SRD5A2: variants seen among roughly 807,000 people sequenced by gnomAD.
SRD5A2 encodes the protein 3-oxo-5-alpha-steroid 4-dehydrogenase 2.
SRD5A2 carries 30 observed loss-of-function variants against 27.4 expected under a neutral mutation model. That is an observed-to-expected ratio of 1.10 (90% CI 0.82 to 1.49). SRD5A2 has a LOEUF of 1.49. Among genes scored for constraint, SRD5A2 ranks in the 40% most tolerant of loss-of-function variants. The pLI, the probability that SRD5A2 is intolerant of heterozygous loss-of-function variation, is 0.00. For synonymous variants in SRD5A2, 141 were observed against 133.6 expected, an observed-to-expected ratio of 1.06 and a Z score of -0.38; for missense variants, 348 against 323.4, an observed-to-expected ratio of 1.08 and a Z score of -0.58.
At chr2:31,623,042 T>C in the SRD5A2 span, among the ~76,000 whole-genome samples, 4 of 152,072 alleles carry the variant, frequency 2.6e-5, no homozygotes, top group East Asian at 1.9e-4. Context: ...CCTTCAATGA[T>C]TGCTCTCAAT....
the SRD5A2 span, among the ~76,000 whole-genome samples, chr2:31,632,459 T>C: frequency 4.6e-5 from 7 of 152,152 alleles, no homozygotes; most frequent in Non-Finnish European, 8.8e-5. Context: ...GGGACGAAGG[T>C]CCTCTGAGTC....
At chr2:31,662,907 C>T in the SRD5A2 span, among the ~76,000 whole-genome samples, 12 of 152,082 alleles carry the variant, frequency 7.9e-5, no homozygotes, top group Admixed American at 2.0e-4. Context: ...TTGGAGTTTA[C>T]GTGTCACTCT....
At chr2:31,584,804 C>A (rs1667148664), upstream of SRD5A2, among the ~76,000 whole-genome samples, 1 of 152,224 alleles carries the variant, frequency 6.6e-6, no homozygotes, top group Non-Finnish European at 1.5e-5. Context: ...AATTTAACAA[C>A]TATCTGTGCA....
At chr2:31,556,942 C>CAT (rs1172097134) in intron 1 of SRD5A2, among the ~76,000 whole-genome samples, 1 of 152,090 alleles carries the variant, frequency 6.6e-6, no homozygotes, top group Non-Finnish European at 1.5e-5. Flanking sequence ...GTACTTTGCC[C>CAT]ATATTAACTC....
rs1665857742 is a variant in SRD5A2 at position 31,529,443 on chromosome 2, AC to A, written c.561del (p.Tyr188MetfsTer91). 4 of 1,613,228 alleles carry A rather than the reference AC, an allele frequency of 2.5e-6. No homozygotes were observed. Among genetic ancestry groups the A allele is most frequent in the Non-Finnish European group, 3.4e-6 (4 of 1,179,672 alleles). On this transcript the variant is annotated frameshift_variant, in exon 4 of 5. Transcript: ENST00000622030. LOFTEE classifies it high-confidence loss of function. ...SYRIPQGGLFTYVSGANFLGE... is the reference protein window; with the variant it reads ...SYRIPQGGLFXYVSGANFLGE... The stretch of plus-strand genomic sequence containing the variant: ...CCGAGGAAATTGGCTCCAGAAACAT[AC>A]GTAAACAAGCCACCTGCGTGCAGAA...
intron 1 of SRD5A2, among the ~76,000 whole-genome samples, chr2:31,549,785 A>G (rs1043648034): frequency 6.6e-6 from 1 of 152,212 alleles, no homozygotes; most frequent in African/African-American, 2.4e-5. Context: ...TTAAAGCTGA[A>G]GGCTTCAACA....
chr2:31,618,548 A>G, the SRD5A2 span, among the ~76,000 whole-genome samples: 1 of 152,174 alleles, frequency 6.6e-6, no homozygotes, highest in Admixed American at 6.6e-5. Flanking sequence ...ACAGGAAGAC[A>G]TTATTTTAAG....
chr2:31,623,370 C>T, the SRD5A2 span, among the ~76,000 whole-genome samples: 1 of 152,116 alleles, frequency 6.6e-6, no homozygotes, highest in Admixed American at 6.6e-5. Flanking sequence ...TGATATATAA[C>T]ATAACCACAT....
chr2:31,618,757 T>A, the SRD5A2 span, among the ~76,000 whole-genome samples: 1 of 152,114 alleles, frequency 6.6e-6, no homozygotes, highest in Admixed American at 6.6e-5. Context: ...GTTTCAGTAA[T>A]ATATTAAACT....
chr2:31,547,046 C>T (rs964894328), intron 1 of SRD5A2, among the ~76,000 whole-genome samples: 9 of 151,726 alleles, frequency 5.9e-5, no homozygotes, highest in African/African-American at 1.9e-4. Context: ...TGTGGTGAGC[C>T]GAGATGGCGC....
intron 2 of SRD5A2, 101 bp downstream of exon 2, chr2:31,533,502 A>G (rs1350068075): frequency 9.3e-7 from 1 of 1,078,966 alleles, no homozygotes; most frequent in Non-Finnish European, 1.4e-6. Context: ...GGAAGATGGG[A>G]TCATTACGAG....
intron 1 of SRD5A2, among the ~76,000 whole-genome samples, chr2:31,536,200 T>C (rs1666024796): frequency 6.6e-6 from 1 of 152,256 alleles, no homozygotes; most frequent in South Asian, 2.1e-4. Context: ...AAGGTATTTT[T>C]TAAAAAGTTG....
intron 2 of SRD5A2, among the ~76,000 whole-genome samples, chr2:31,532,013 C>A (rs1665919309): frequency 6.6e-6 from 1 of 152,230 alleles, no homozygotes. Flanking sequence ...AAGACCGGTG[C>A]CCCTACTTCG....
At chr2:31,630,567 A>C in the SRD5A2 span, among the ~76,000 whole-genome samples, 13,716 of 152,224 alleles carry the variant, frequency 0.09, 753 homozygotes, top group Middle Eastern at 0.19. Flanking sequence ...TCCTTAACCC[A>C]GGAACCCACG....
At chr2:31,587,820 CG>C in the SRD5A2 span, among the ~76,000 whole-genome samples, 1 of 151,950 alleles carries the variant, frequency 6.6e-6, no homozygotes, top group African/African-American at 2.4e-5. Flanking sequence ...ACCTAGATGA[CG>C]GGTTGAAGGT....
At chr2:31,625,047 C>T in the SRD5A2 span, among the ~76,000 whole-genome samples, 2 of 152,108 alleles carry the variant, frequency 1.3e-5, no homozygotes, top group Non-Finnish European at 2.9e-5. Flanking sequence ...TTAATGATTG[C>T]CATTCTAACT....
chr2:31,607,115 T>C, the SRD5A2 span, among the ~76,000 whole-genome samples: 2 of 151,920 alleles, frequency 1.3e-5, no homozygotes, highest in African/African-American at 4.8e-5. Flanking sequence ...AGATATGTCA[T>C]TAGAAAAAGT....
the SRD5A2 span, among the ~76,000 whole-genome samples, chr2:31,626,458 G>T: frequency 6.6e-6 from 1 of 152,102 alleles, no homozygotes; most frequent in East Asian, 1.9e-4. Flanking sequence ...AATGCTTCCA[G>T]TTTTTGCCCA....
chr2:31,623,464 C>T, the SRD5A2 span, among the ~76,000 whole-genome samples: 4 of 152,108 alleles, frequency 2.6e-5, no homozygotes, highest in Non-Finnish European at 5.9e-5. Flanking sequence ...TCAGCCTCAG[C>T]CCAGTTCTGT....
Sources: gnomAD v4.1 joint callset for allele counts (sites outside exome capture counted in the v4.1 genomes callset) on GRCh38, gnomAD v4.1.1 for gene constraint, MANE v1.5 for transcripts, NCBI Gene and HGNC (gene_info 2026-07-23, HGNC 2026-07-21) for gene names.